The following CDK18 variants were observed in gnomAD, a reference collection of about 807,000 sequenced individuals.
CDK18 encodes cyclin-dependent kinase 18.
Under a neutral mutation model 62.0 loss-of-function variants are expected in CDK18, and 52 were observed. That is an observed-to-expected ratio of 0.84 (90% CI 0.67 to 1.06). The LOEUF (loss-of-function observed/expected upper bound fraction) is 1.06, where lower values mean the gene tolerates loss of function less well. Ranked by LOEUF, CDK18 falls within the 50% of genes least tolerant of loss-of-function variation. The pLI is 0.00. For synonymous variants in CDK18, 237 were observed against 247.0 expected, an observed-to-expected ratio of 0.96 and a Z score of 0.38; for missense variants, 604 against 619.9, an observed-to-expected ratio of 0.97 and a Z score of 0.27.
chr1:205,530,660 C>T lies in CDK18; in HGVS notation c.1345C>T (p.Leu449Phe), dbSNP rs1284821757. The change falls in exon 15 of 16, where the codon CTC becomes TTC. Residue 449 changes from leucine (L) to phenylalanine (F), a missense_variant. Coordinates refer to ENST00000429964, the MANE Select transcript of CDK18 (RefSeq NM_212502.3). ...CATCTTCTCCCTGAAGGAGATCCAG[C>T]TCCAGAAGGACCCAGGCTACCGAGG... is the stretch of plus-strand genomic sequence containing the variant. ...ASIFSLKEIQLQKDPGYRGLA... is the reference protein window; with the variant it reads ...ASIFSLKEIQFQKDPGYRGLA... 1 of 1,613,976 alleles carries T rather than the reference C, an allele frequency of 6.2e-7. No individual in the cohort carries two copies. Among genetic ancestry groups the T allele is most frequent in the South Asian group, 1.1e-5 (1 of 91,088 alleles).
In CDK18 at chr1:205,529,406, G is replaced by A; in HGVS notation, c.1155G>A (p.Gln385=). ...ACAGCTTCCCCTGCTACCTCCCGCA[G>A]CCGCTCATCAACCACGCGCCCAGGT... ...RTYSFPCYLP[Q]PLINHAPRLD... Residue 385 remains glutamine (Q), a synonymous_variant, in exon 12 of 16, where the codon CAG becomes CAA. Coordinates refer to ENST00000429964, the MANE Select transcript of CDK18 (RefSeq NM_212502.3). 1 of 1,613,996 alleles carries A rather than the reference G, an allele frequency of 6.2e-7. No individual in the cohort carries two copies. Among genetic ancestry groups the A allele is most frequent in the South Asian group, 1.1e-5 (1 of 91,078 alleles).
Position 205,528,159 on chromosome 1 carries a change from T to G in CDK18, c.965T>G (p.Ile322Ser). The change falls in exon 10 of 16, where the codon ATT becomes AGT. Residue 322 changes from isoleucine (I) to serine (S), a missense_variant. Physicochemically the swap from Ile to Ser is moderately radical, Grantham distance 142. Transcript: ENST00000429964. The surrounding 1 kb of genome is among the most constrained non-coding windows in gnomAD (Gnocchi z 4.2). The part of the protein sequence containing the change: ...LLGSTEYSTP[I>S]DMWGVGCIHY... Reference sequence around the variant, plus strand: ...GGATCCACAGAGTACTCCACCCCCATTGATATGTGGTGAGTGAGCACTGTG... The same window carrying G: ...GGATCCACAGAGTACTCCACCCCCAGTGATATGTGGTGAGTGAGCACTGTG... 6.2e-7 allele frequency: 1 copy of G among 1,613,550 alleles called. No homozygotes were observed. The highest frequency in any genetic ancestry group is 2.2e-5 in the East Asian group (1 of 44,874).
intron 1 of CDK18, among the ~76,000 whole-genome samples, chr1:205,508,705 G>A (rs897421449): frequency 5.9e-5 from 9 of 152,316 alleles, no homozygotes; most frequent in Admixed American, 3.3e-4. Flanking sequence ...TTAGCCAGGT[G>A]TGGTGGCACG....
intron 1 of CDK18, among the ~76,000 whole-genome samples, chr1:205,506,699 C>T (rs1667322487): frequency 6.6e-6 from 1 of 152,206 alleles, no homozygotes; most frequent in Non-Finnish European, 1.5e-5. Context: ...ACCCCTGCCC[C>T]ATTGTGGGGA....
In CDK18 at chr1:205,529,360, C is replaced by T. The variant is rs577095057; in HGVS notation, c.1109C>T (p.Ala370Val). ...GAAGAGACGTGGCCCGGCGTGACCG[C>T]CTTCTCTGAGTTCCGCACCTACAGC... is the stretch of plus-strand genomic sequence containing the variant. ...PTEETWPGVT[A>V]FSEFRTYSFP... Residue 370 changes from alanine (A) to valine (V), a missense_variant, in exon 12 of 16, where the codon GCC becomes GTC. Physicochemically the swap from Ala to Val is moderately conservative, Grantham distance 64 (BLOSUM62 0). Transcript: ENST00000429964. The T allele has an allele frequency of 6.2e-7, 1 of 1,614,042 alleles. No homozygotes were observed. Among genetic ancestry groups the T allele is most frequent in the South Asian group, 1.1e-5 (1 of 91,080 alleles).
At position 205,525,165 on chromosome 1, in the gene CDK18, A is replaced by AAAATACGTGAAACTGGAC; in HGVS notation, c.427_428insAATACGTGAAACTGGACA (p.Glu142_Thr143insLysTyrValLysLeuAsp). 5 of 1,609,970 alleles carry AAAATACGTGAAACTGGAC rather than the reference A, an allele frequency of 3.1e-6. No homozygotes were observed. The highest frequency in any genetic ancestry group is 4.2e-6 in the Non-Finnish European group (5 of 1,176,928). On this transcript the variant is annotated inframe_insertion, in exon 5 of 16. Transcript: ENST00000429964. ...CAGACATTGGCTTTGGGAAACTGGAAACATACGTGAAACTGGACAAACTGG... is the reference window on the plus strand; with the variant it reads ...CAGACATTGGCTTTGGGAAACTGGAAAAATACGTGAAACTGGACACATACGTGAAACTGGACAAACTGG...
At chr1:205,514,798 C>T (rs1286659883) in intron 1 of CDK18, among the ~76,000 whole-genome samples, 1 of 152,180 alleles carries the variant, frequency 6.6e-6, no homozygotes, top group Non-Finnish European at 1.5e-5. Context: ...AGGCCCCATT[C>T]TTGTCCTGAA....
At chr1:205,529,171 A>C in intron 11 of CDK18, 75 bp downstream of exon 11, 1 of 1,424,110 alleles carries the variant, frequency 7.0e-7, no homozygotes, top group Non-Finnish European at 9.7e-7. Flanking sequence ...GCGGAGCGGG[A>C]CGGGGAGGAG....
intron 1 of CDK18, among the ~76,000 whole-genome samples, chr1:205,520,893 C>G (rs1277624976): frequency 3.3e-5 from 5 of 152,092 alleles, no homozygotes; most frequent in Non-Finnish European, 5.9e-5. Flanking sequence ...ATGCTATACA[C>G]AAGTGTGAGG....
At chr1:205,506,141 G>T (rs1558764202) in intron 1 of CDK18, among the ~76,000 whole-genome samples, 1 of 152,230 alleles carries the variant, frequency 6.6e-6, no homozygotes, top group South Asian at 2.1e-4. Flanking sequence ...CCTTGGGAGG[G>T]GCCTGGGAAA....
At chr1:205,519,018 T>C (rs1384596318) in intron 1 of CDK18, among the ~76,000 whole-genome samples, 1 of 152,162 alleles carries the variant, frequency 6.6e-6, no homozygotes, top group Non-Finnish European at 1.5e-5. Flanking sequence ...CCAGTATCCC[T>C]GGACACTCAT....
rs1306653672 is a variant in CDK18, at chr1:205,508,326, T to C, written c.-22+3530T>C. On this transcript the variant is annotated intron_variant, in intron 1 of 15. Transcript: ENST00000429964. ...TTAATCTTGTCCTGGCTCCCACAGC[T>C]GCTTACACACACACAGCTGCATGCA... Among the ~76,000 whole-genome samples the C allele has an allele frequency of 2.6e-5, 4 of 152,368 alleles. No homozygotes were observed. The East Asian group carries it at 7.7e-4, about 29-fold the overall frequency.
rs1668302340 is a variant in CDK18, at chr1:205,524,288, A to G, written c.330A>G (p.Leu110=). The G allele has an allele frequency of 1.2e-6, 2 of 1,614,038 alleles. No homozygotes were observed. The highest frequency in any genetic ancestry group is 2.2e-5 in the East Asian group (1 of 44,902). The change falls in exon 4 of 16, where the codon CTA becomes CTG. Residue 110 remains leucine, a synonymous_variant. Transcript: ENST00000429964. ...ATATCCGCCTGCCCCAGGAATTCCT[A>G]CAGAAGCTACAGATGGAGAGCCCAG... is the stretch of plus-strand genomic sequence containing the variant. ...PMDIRLPQEF[L]QKLQMESPDL...
intron 1 of CDK18, among the ~76,000 whole-genome samples, chr1:205,507,468 GA>G (rs34442874): frequency 0.29 from 38,926 of 134,104 alleles, 5,776 homozygotes; most frequent in Admixed American, 0.42. Flanking sequence ...CATCTCTACT[GA>G]AAAAAAAAAA....
At chr1:205,521,416 G>T (rs1668121964) in intron 1 of CDK18, among the ~76,000 whole-genome samples, 1 of 152,182 alleles carries the variant, frequency 6.6e-6, no homozygotes. Flanking sequence ...GTTTCGCCAT[G>T]TTGGCCAGGC....
intron 6 of CDK18, 52 bp from the exon 7 acceptor site, chr1:205,526,315 G>A: frequency 6.6e-7 from 1 of 1,504,338 alleles, no homozygotes; most frequent in South Asian, 1.1e-5. Context: ...AGAAAAGAGG[G>A]TATGGGGACA....
chr1:205,530,482 C>A, intron 14 of CDK18, 133 bp downstream of exon 14: 1 of 1,203,778 alleles, frequency 8.3e-7, no homozygotes, highest in South Asian at 1.3e-5. Context: ...CCTTGCCTCC[C>A]CTGCTGGGGT....
intron 1 of CDK18, among the ~76,000 whole-genome samples, chr1:205,518,041 T>C (rs907198705): frequency 3.9e-5 from 6 of 152,126 alleles, no homozygotes. Flanking sequence ...GCTGTTCCCT[T>C]GTTGACCTGC....
chr1:205,524,118 T>C (rs74141240), intron 3 of CDK18, 114 bp from the exon 4 acceptor site: 54,423 of 1,256,572 alleles, frequency 0.043, 2,828 homozygotes, highest in African/African-American at 0.24. Context: ...GTGATTGGGC[T>C]CTGAATGGTT....
Sources: allele counts gnomAD v4.1 joint callset (sites outside exome capture counted in the v4.1 genomes callset), GRCh38; gene constraint gnomAD v4.1.1; non-coding constraint Gnocchi (gnomAD v3.1); transcripts MANE v1.5; gene names NCBI Gene and HGNC (gene_info 2026-07-23, HGNC 2026-07-21).